The following PKIA variants were observed in gnomAD, a reference collection of about 807,000 sequenced individuals.
PKIA encodes PKI-alpha.
In PKIA, 4 loss-of-function variants were observed where a neutral mutation model predicts 7.6. The ratio of observed to expected loss-of-function variants is 0.52; its 90% CI spans 0.26 to 1.20. PKIA has a LOEUF of 1.20. PKIA is among the 50% of genes most tolerant of loss of function. PKIA has a pLI of 0.13. For missense variants in PKIA, 73 were observed against 86.2 expected (o/e 0.85, Z 0.61); for synonymous variants, 21 against 30.7 (o/e 0.68, Z 1.04).
At position 78,601,739 on chromosome 8, in the gene PKIA, CAGA is replaced by C. The variant is rs1563596852; in HGVS notation, c.152_154del (p.Glu51del). ...TTATTCTGTTTTCGTTTTTCTTTTG[CAGA>C]AGGTGAAGAAGATGCACAACGAAGT... On this transcript the variant is annotated splice_acceptor_variant and coding_sequence_variant, in exon 4 of 4. Transcript: ENST00000396418. LOFTEE classifies it high-confidence loss of function. 1.9e-6 allele frequency: 3 copies of C among 1,608,908 alleles called. No homozygotes were observed. Among genetic ancestry groups the C allele is most frequent in the Admixed American group, 1.7e-5 (1 of 59,512 alleles).
intron 3 of PKIA, among the ~76,000 whole-genome samples, chr8:78,600,852 A>C (rs1432828300): frequency 6.6e-6 from 1 of 152,052 alleles, no homozygotes; most frequent in Non-Finnish European, 1.5e-5. Flanking sequence ...TATGGTCCAA[A>C]GAATAGGCCA....
At chr8:78,529,767 G>A (rs1328493636) in intron 1 of PKIA, among the ~76,000 whole-genome samples, 1 of 151,890 alleles carries the variant, frequency 6.6e-6, no homozygotes, top group East Asian at 1.9e-4. Context: ...AATGTTAAGT[G>A]CAAAGACCAG....
At chr8:78,563,744 AAG>A (rs1227255165) in intron 1 of PKIA, among the ~76,000 whole-genome samples, 1 of 152,128 alleles carries the variant, frequency 6.6e-6, no homozygotes, top group African/African-American at 2.4e-5. Flanking sequence ...AAAATCTATA[AAG>A]ATAACAATTT....
At chr8:78,533,349 G>C (rs1035414256) in intron 1 of PKIA, among the ~76,000 whole-genome samples, 1 of 152,054 alleles carries the variant, frequency 6.6e-6, no homozygotes, top group South Asian at 2.1e-4. Flanking sequence ...TCACATGTTC[G>C]TTTGCAGTTT....
At chr8:78,530,665 G>T (rs1170233897) in intron 1 of PKIA, among the ~76,000 whole-genome samples, 1 of 151,948 alleles carries the variant, frequency 6.6e-6, no homozygotes, top group Non-Finnish European at 1.5e-5. Context: ...AGTCTAGTTT[G>T]CATTGACATA....
chr8:78,561,772 A>T (rs1263008012), intron 1 of PKIA, among the ~76,000 whole-genome samples: 1 of 152,240 alleles, frequency 6.6e-6, no homozygotes, highest in South Asian at 2.1e-4. Context: ...TCAGGAAAAG[A>T]GGATAATAAA....
At chr8:78,551,873 C>T (rs1585891061) in intron 1 of PKIA, among the ~76,000 whole-genome samples, 1 of 151,874 alleles carries the variant, frequency 6.6e-6, no homozygotes, top group Non-Finnish European at 1.5e-5. Flanking sequence ...ACTGGAAAGA[C>T]GTTTAAGGGA....
At chr8:78,556,749 A>G (rs1445675675) in intron 1 of PKIA, 3 of 152,182 alleles carry the variant, frequency 2.0e-5, no homozygotes, top group African/African-American at 7.2e-5. Context: ...CTATAAAACT[A>G]TGTTTATGAA....
chr8:78,527,595 GATTT>G (rs1353669849), intron 1 of PKIA, among the ~76,000 whole-genome samples: 1 of 151,916 alleles, frequency 6.6e-6, no homozygotes, highest in African/African-American at 2.4e-5. Flanking sequence ...ATTTTAAAGT[GATTT>G]ATTTAATAAA....
intron 2 of PKIA, among the ~76,000 whole-genome samples, chr8:78,576,176 C>T (rs1403467735): frequency 6.6e-6 from 1 of 151,986 alleles, no homozygotes; most frequent in Admixed American, 6.6e-5. Context: ...ATATGAATTT[C>T]TGGGAAACAT....
chr8:78,554,305 A>G (rs536302559), intron 1 of PKIA, among the ~76,000 whole-genome samples: 2 of 152,128 alleles, frequency 1.3e-5, no homozygotes, highest in Non-Finnish European at 2.9e-5. Context: ...TGACAGCTAA[A>G]TAGTAGGGAA....
At chr8:78,562,483 G>A (rs1342741647) in intron 1 of PKIA, among the ~76,000 whole-genome samples, 1 of 152,094 alleles carries the variant, frequency 6.6e-6, no homozygotes, top group Non-Finnish European at 1.5e-5. Flanking sequence ...AAGACTTATA[G>A]GCCTCAAGTG....
Position 78,517,476 on chromosome 8 carries a change from C to T in PKIA, c.-157+1008C>T, listed in dbSNP as rs1224767077. Among the ~76,000 whole-genome samples, 4 of 152,308 alleles carry T rather than the reference C, an allele frequency of 2.6e-5. No homozygotes were observed. The East Asian group carries it at 7.7e-4, about 29-fold the overall frequency. The stretch of plus-strand genomic sequence containing the variant: ...ATTTTAGTCCAGTTGGATTTTGAGA[C>T]AGCTAGCTGTTAAGATTTGGGACAA... On this transcript the variant is annotated intron_variant, in intron 1 of 3. Coordinates refer to ENST00000396418, the MANE Select transcript of PKIA (RefSeq NM_006823.4).
chr8:78,581,225 C>T (rs192875867), intron 2 of PKIA, among the ~76,000 whole-genome samples: 23 of 151,990 alleles, frequency 1.5e-4, no homozygotes, highest in Admixed American at 1.1e-3. Flanking sequence ...ACATATTGGC[C>T]AAATTGAAAG....
intron 1 of PKIA, among the ~76,000 whole-genome samples, chr8:78,547,324 T>G (rs1383467744): frequency 6.6e-6 from 1 of 152,026 alleles, no homozygotes; most frequent in Non-Finnish European, 1.5e-5. Flanking sequence ...AAGATGGTCT[T>G]GATCTCTTGA....
chr8:78,583,074 G>A (rs1449242902), intron 2 of PKIA, among the ~76,000 whole-genome samples: 2 of 152,134 alleles, frequency 1.3e-5, no homozygotes, highest in Non-Finnish European at 2.9e-5. Context: ...ATAAATAGCA[G>A]CAAGACATGA....
chr8:78,523,143 C>G (rs1055538393), intron 1 of PKIA, among the ~76,000 whole-genome samples: 1 of 151,858 alleles, frequency 6.6e-6, no homozygotes, highest in Non-Finnish European at 1.5e-5. Flanking sequence ...AGCAACATGT[C>G]TTATAATATA....
chr8:78,599,605 T>TA (rs1443585264), intron 3 of PKIA, among the ~76,000 whole-genome samples: 1 of 152,078 alleles, frequency 6.6e-6, no homozygotes, highest in Admixed American at 6.6e-5. Context: ...TTGGAATATG[T>TA]AGACCTGTAT....
chr8:78,582,609 C>G (rs900456314), intron 2 of PKIA, among the ~76,000 whole-genome samples: 13 of 152,012 alleles, frequency 8.6e-5, no homozygotes, highest in African/African-American at 2.7e-4. Flanking sequence ...GATGTTCTTA[C>G]TGTACAAATG....
Sources: allele counts gnomAD v4.1 joint callset (sites outside exome capture counted in the v4.1 genomes callset), GRCh38; gene constraint gnomAD v4.1.1; transcripts MANE v1.5; gene names NCBI Gene and HGNC (gene_info 2026-07-23, HGNC 2026-07-21).